DECR2: variants seen among roughly 807,000 people sequenced by gnomAD.
The protein encoded by DECR2 is 2,4-dienoyl-CoA reductase 2.
Under a neutral mutation model 29.2 loss-of-function variants are expected in DECR2, and 34 were observed. The ratio of observed to expected loss-of-function variants is 1.16; its 90% CI spans 0.89 to 1.55. The LOEUF (loss-of-function observed/expected upper bound fraction) is 1.55, where lower values mean the gene tolerates loss of function less well. Ranked by LOEUF, DECR2 falls within the 40% of genes most tolerant of loss-of-function variation. The probability of loss-of-function intolerance (pLI) is 0.00; values close to 1 mark genes in which losing one functional copy is unlikely to be tolerated. For missense variants in DECR2, 485 were observed against 425.3 expected (o/e 1.14, Z -1.23); for synonymous variants, 224 against 182.7 (o/e 1.23, Z -1.82).
At chr16:402,262 C>T (rs887519476) in intron 1 of DECR2, among the ~76,000 whole-genome samples, 3 of 151,702 alleles carry the variant, frequency 2.0e-5, no homozygotes, top group African/African-American at 7.3e-5. Flanking sequence ...GCAAACTCTG[C>T]CTCCCGGGTT....
chr16:406,218 C>A, intron 2 of DECR2, 128 bp from the exon 3 acceptor site: 2 of 893,608 alleles, frequency 2.2e-6, no homozygotes, highest in South Asian at 1.6e-5. Flanking sequence ...GCCCCTGTGC[C>A]CTCTGCCAGC....
chr16:407,376 C>T, intron 3 of DECR2, 49 bp from the exon 4 acceptor site: 1 of 1,555,170 alleles, frequency 6.4e-7, no homozygotes, highest in Non-Finnish European at 8.6e-7. Context: ...GGCCTTTTCT[C>T]CAGGCCGAGG....
At position 410,199 on chromosome 16, in the gene DECR2, C is replaced by T. The variant is rs764836443; in HGVS notation, c.338-44C>T. 3 of 1,595,172 alleles carry T rather than the reference C, an allele frequency of 1.9e-6. No homozygotes were observed. The highest frequency in any genetic ancestry group is 2.3e-5 in the East Asian group (1 of 43,872). On this transcript the variant is annotated intron_variant, in intron 4 of 8. Coordinates refer to ENST00000219481, the MANE Select transcript of DECR2 (RefSeq NM_020664.4). The surrounding 1 kb of genome is among the most constrained non-coding windows in gnomAD (Gnocchi z 4.1). ...CCTGGCCACCACCCACTTGGCATCC[C>T]TCTCCCCAGGCTCCAGCAGCTCCTG...
At chr16:407,347 G>T in intron 3 of DECR2, 78 bp from the exon 4 acceptor site, 1 of 1,511,510 alleles carries the variant, frequency 6.6e-7, no homozygotes, top group Non-Finnish European at 8.8e-7. Flanking sequence ...CGGAAGCATC[G>T]TCCTCTGCAG....
At chr16:406,980 A>C in intron 3 of DECR2, 1 of 1,016,894 alleles carries the variant, frequency 9.8e-7, no homozygotes, top group Non-Finnish European at 1.2e-6. Context: ...GACATCTTTG[A>C]CTTTTTAAAA....
At chr16:402,121 C>G (rs2054673597) in intron 1 of DECR2, 78 bp downstream of exon 1, 2 of 1,172,548 alleles carry the variant, frequency 1.7e-6, no homozygotes, top group East Asian at 3.2e-5. Flanking sequence ...ACGTGGTCCC[C>G]GAGGGCTCGC....
At chr16:408,313 C>T (rs993552473) in intron 4 of DECR2, among the ~76,000 whole-genome samples, 1 of 148,798 alleles carries the variant, frequency 6.7e-6, no homozygotes, top group African/African-American at 2.5e-5. Flanking sequence ...GGGCTTCTGT[C>T]TCTGGCCCTC....
intron 8 of DECR2, 42 bp downstream of exon 8, chr16:411,620 G>A (rs1259731837): frequency 1.3e-6 from 2 of 1,575,098 alleles, no homozygotes; most frequent in African/African-American, 1.3e-5. Flanking sequence ...CTGTGTCCTT[G>A]GACGCTGGTC....
At chr16:406,284 G>C in intron 2 of DECR2, 62 bp from the exon 3 acceptor site, 11 of 1,424,310 alleles carry the variant, frequency 7.7e-6, no homozygotes, top group Non-Finnish European at 9.2e-6. Context: ...TCAGGAGCTG[G>C]GCAGATGCCC....
intron 1 of DECR2, among the ~76,000 whole-genome samples, chr16:404,201 T>A (rs1440235510): frequency 1.4e-5 from 2 of 143,038 alleles, no homozygotes; most frequent in African/African-American, 6.0e-5. Context: ...ATAAATAAAT[T>A]AAATAAAATA....
chr16:406,839 AATCACTGTGCCCGGCCGGC>A (rs1262011195), intron 3 of DECR2: 1 of 600,898 alleles, frequency 1.7e-6, no homozygotes, highest in Admixed American at 6.1e-5. Flanking sequence ...TACAGGTGTG[AATCACTGTGCCCGGCCGGC>A]ACCTCAGCCT....
chr16:409,834 C>T lies in DECR2; in HGVS notation c.338-409C>T, dbSNP rs538344592. On this transcript the variant is annotated intron_variant, in intron 4 of 8. Transcript: ENST00000219481. ...CCATAGCCCTTGGCCCTCCCGGGCT[C>T]GGAGACCGTCGCTGCACTGTCTGCC... 14 of 170,610 alleles carry T rather than the reference C, an allele frequency of 8.2e-5. No homozygotes were observed. The South Asian group carries it at 1.7e-3, about 21-fold the overall frequency. The allele number at this position is 170,610 out of a possible 1,614,324, so 10.6% of individuals were successfully genotyped here. A position where few individuals can be genotyped will look rare whatever the true frequency, so the allele number is the denominator to read the frequency against.
In DECR2 at chr16:410,113, T is replaced by C; in HGVS notation, c.338-130T>C. The stretch of plus-strand genomic sequence containing the variant: ...TCATTTTGGAATTTATCCTAGGGCA[T>C]GGGTCTCCTCCCTGTGCCACAGGGC... On this transcript the variant is annotated intron_variant, in intron 4 of 8. Transcript: ENST00000219481. This position sits in a 1 kb window ranked among gnomAD's most constrained non-coding sequence, Gnocchi z 4.1. 1.5e-6 allele frequency: 2 copies of C among 1,321,630 alleles called. No homozygotes were observed. Among genetic ancestry groups the C allele is most frequent in the Non-Finnish European group, 2.0e-6 (2 of 980,076 alleles). The allele number at this position is 1,321,630 out of a possible 1,614,324, so 81.9% of individuals were successfully genotyped here.
rs71382276 is a variant in DECR2, at chr16:408,139, G to C, written c.337+579G>C. Among the ~76,000 whole-genome samples, 75 of 23,516 alleles carry C rather than the reference G, an allele frequency of 3.2e-3. 28 individuals are homozygous for C. Among genetic ancestry groups the C allele is most frequent in the African/African-American group, 0.011 (55 of 5,036 alleles). 15.4% of individuals were successfully genotyped at this position (23,516 alleles called of 152,430 possible). On this transcript the variant is annotated intron_variant, in intron 4 of 8. Transcript: ENST00000219481. ...TCTGTCTCCGGGCCCCTGTCTCCGG[G>C]CCTCTGTCTCCGGCCCCCTGTCTCC...
In DECR2 at chr16:410,502, C is replaced by CT. The variant is rs1483204255; in HGVS notation, c.462+136dup. The CT allele has an allele frequency of 1.8e-5, 28 of 1,536,028 alleles. 1 individual carries two copies. The highest frequency in any genetic ancestry group is 1.2e-5 in the South Asian group (1 of 80,762). On this transcript the variant is annotated intron_variant, in intron 5 of 8. Coordinates refer to ENST00000219481, the MANE Select transcript of DECR2 (RefSeq NM_020664.4). This position sits in a 1 kb window ranked among gnomAD's most constrained non-coding sequence, Gnocchi z 4.1. ...GGGTGGGTGTACTCCCAGCGGGGGC[C>CT]TCCCCCTGACGGCCGCCCGCTCCCT...
rs149887664 is a variant in DECR2, at chr16:407,544, C to A, written c.321C>A (p.Ile107=). 12 of 1,613,816 alleles carry A rather than the reference C, an allele frequency of 7.4e-6. No homozygotes were observed. In the African/African-American group the frequency reaches 1.3e-4, roughly 18 times the overall value. The change falls in exon 4 of 9, where the codon ATC becomes ATA. Residue 107 remains isoleucine (I), a synonymous_variant. Coordinates refer to ENST00000219481, the MANE Select transcript of DECR2 (RefSeq NM_020664.4). The part of the protein sequence containing the change: ...VDQALKEFGR[I]DILINCAAGN... ...AGGCTCTGAAGGAGTTTGGCAGAAT[C>A]GACATTCTCATTAACTGTGAGTCGG... is the stretch of plus-strand genomic sequence containing the variant.
rs1330383202 is a variant in DECR2 at position 406,570 on chromosome 16, T to C, written c.201+173T>C. 10 of 675,374 alleles carry C rather than the reference T, an allele frequency of 1.5e-5. No homozygotes were observed. In the East Asian group the frequency reaches 2.8e-4, roughly 19 times the overall value. The allele number at this position is 675,374 out of a possible 1,614,324, so 41.8% of individuals were successfully genotyped here. A position where few individuals can be genotyped will look rare whatever the true frequency, so the allele number is the denominator to read the frequency against. On this transcript the variant is annotated intron_variant, in intron 3 of 8. Transcript: ENST00000219481. Reference sequence around the variant, plus strand: ...TGAAGTGTGGTGGTGCGATCTCGGCTCACTGCAGCCTCCACCTCCCAGGAT... The same window carrying C: ...TGAAGTGTGGTGGTGCGATCTCGGCCCACTGCAGCCTCCACCTCCCAGGAT...
intron 2 of DECR2, chr16:405,679 G>C (rs1463561006): frequency 1.7e-6 from 2 of 1,158,332 alleles, no homozygotes; most frequent in Admixed American, 4.6e-5. Flanking sequence ...ATTTTACCAG[G>C]GAATTTGTGG....
Position 410,735 on chromosome 16 carries a change from C to T in DECR2, c.507C>T (p.Asn169=), listed in dbSNP as rs955337412. 7 of 1,608,194 alleles carry T rather than the reference C, an allele frequency of 4.4e-6. No homozygotes were observed. In the African/African-American group the frequency reaches 8.0e-5, roughly 18 times the overall value. The stretch of plus-strand genomic sequence containing the variant: ...TGAACATCACTGCCACCCTGGGGAA[C>T]CGGGGGCAGGCGCTCCAGGTGCATG... ...VIVNITATLG[N]RGQALQVHAG... The change falls in exon 6 of 9, where the codon AAC becomes AAT. Residue 169 remains asparagine, a synonymous_variant. Transcript: ENST00000219481. This position sits in a 1 kb window ranked among gnomAD's most constrained non-coding sequence, Gnocchi z 4.1.
Sources: gnomAD v4.1 joint callset for allele counts (sites outside exome capture counted in the v4.1 genomes callset) on GRCh38, gnomAD v4.1.1 for gene constraint, Gnocchi (gnomAD v3.1) non-coding constraint, MANE v1.5 for transcripts, NCBI Gene and HGNC (gene_info 2026-07-23, HGNC 2026-07-21) for gene names.